The following FAM89A variants were observed in gnomAD, a reference collection of about 807,000 sequenced individuals.
FAM89A encodes protein FAM89A.
Under a neutral mutation model 7.1 loss-of-function variants are expected in FAM89A, and 10 were observed. That is an observed-to-expected ratio of 1.40 (90% CI 0.86 to 2.38). The LOEUF is 2.38. Ranked by LOEUF, FAM89A falls within the 30% of genes most tolerant of loss-of-function variation. The probability of loss-of-function intolerance (pLI) is 0.00; values close to 1 mark genes in which losing one functional copy is unlikely to be tolerated. For synonymous variants in FAM89A, 157 were observed against 129.3 expected (o/e 1.21, Z -1.45); for missense variants, 276 against 262.8 (o/e 1.05, Z -0.35).
chr1:231,039,808 G>C (rs933846882), intron 1 of FAM89A, 113 bp downstream of exon 1: 5 of 1,080,958 alleles, frequency 4.6e-6, no homozygotes, highest in Non-Finnish European at 5.9e-6. Flanking sequence ...GGGCGGAGGA[G>C]CCCGAAAGGG....
At chr1:231,033,285 G>T (rs1462590695) in intron 1 of FAM89A, among the ~76,000 whole-genome samples, 1 of 152,242 alleles carries the variant, frequency 6.6e-6, no homozygotes, top group African/African-American at 2.4e-5. Flanking sequence ...TCGGGGGATC[G>T]CTTCCTGAGC....
At position 231,039,989 on chromosome 1, in the gene FAM89A, G is replaced by C. The variant is rs1401014485; in HGVS notation, c.223C>G (p.Arg75Gly). 4.3e-6 allele frequency: 6 copies of C among 1,382,570 alleles called. 1 individual carries two copies. The South Asian group carries it at 9.9e-5, about 23-fold the overall frequency. The allele number at this position is 1,382,570 out of a possible 1,614,324, so 85.6% of individuals were successfully genotyped here. The stretch of plus-strand genomic sequence containing the variant: ...GGCTTGGCGGGCAGCGCTGCCGCCC[G>C]GGCCCCGCCGCCGCCCGGGCCCCCG... ...SRGGPGGGGA[R>G]AAALPAKPPN... The change falls in exon 1 of 2, where the codon CGG becomes GGG. Residue 75 changes from arginine (R) to glycine (G), a missense_variant. Physicochemically the swap from Arg to Gly is moderately radical, Grantham distance 125. Coordinates refer to ENST00000366654, the MANE Select transcript of FAM89A (RefSeq NM_198552.3).
At chr1:231,024,914 C>CTT (rs60500715) in intron 1 of FAM89A, among the ~76,000 whole-genome samples, 1,520 of 63,366 alleles carry the variant, frequency 0.024, 349 homozygotes, top group Middle Eastern at 0.036. Context: ...CACAACTACT[C>CTT]TTTTTTTTTT....
At chr1:231,036,522 G>T (rs1389466868) in intron 1 of FAM89A, among the ~76,000 whole-genome samples, 2 of 152,034 alleles carry the variant, frequency 1.3e-5, no homozygotes, top group African/African-American at 4.8e-5. Flanking sequence ...TCTGGGGAGG[G>T]GACGAGGACT....
intron 1 of FAM89A, among the ~76,000 whole-genome samples, chr1:231,031,740 G>C (rs978840620): frequency 6.6e-6 from 1 of 152,162 alleles, no homozygotes; most frequent in African/African-American, 2.4e-5. Flanking sequence ...CATACACAAA[G>C]TTAGGTAAGT....
rs371637194 is a variant in FAM89A, at chr1:231,037,304, C to T, written c.291+2617G>A. ...ACATTGCACCTAACAGAAGATATCC[C>T]AAAATACTAAAAGTGATTATTTCTA... is the stretch of plus-strand genomic sequence containing the variant. On this transcript the variant is annotated intron_variant, in intron 1 of 1. Coordinates refer to ENST00000366654, the MANE Select transcript of FAM89A (RefSeq NM_198552.3). Among the ~76,000 whole-genome samples, 6 of 152,182 alleles carry T rather than the reference C, an allele frequency of 3.9e-5. No homozygotes were observed. The East Asian group carries it at 5.8e-4, about 15-fold the overall frequency.
chr1:231,019,651 A>C lies in FAM89A; in HGVS notation c.*212T>G. 1.7e-6 allele frequency: 1 copy of C among 575,626 alleles called. No individual in the cohort carries two copies. Among genetic ancestry groups the C allele is most frequent in the South Asian group, 2.1e-5 (1 of 47,972 alleles). The allele number at this position is 575,626 out of a possible 1,614,324, so 35.7% of individuals were successfully genotyped here. ...GTGGAGGATACTGCTGAGGACCTCT[A>C]GGTCACCTAAGCAGAAACTGCTGCC... is the stretch of plus-strand genomic sequence containing the variant. On this transcript the variant is annotated 3_prime_UTR_variant, in exon 2 of 2. Transcript: ENST00000366654.
At chr1:231,027,729 G>A (rs1460822800) in intron 1 of FAM89A, among the ~76,000 whole-genome samples, 1 of 152,144 alleles carries the variant, frequency 6.6e-6, no homozygotes, top group African/African-American at 2.4e-5. Flanking sequence ...TCAGGCTTAC[G>A]CCCTTGACTC....
Position 231,038,417 on chromosome 1 carries a change from G to GT in FAM89A, c.291+1503dup, listed in dbSNP as rs571235554. Among the ~76,000 whole-genome samples, 200 of 152,284 alleles carry GT rather than the reference G, an allele frequency of 1.3e-3. 2 individuals are homozygous for GT. The South Asian group carries it at 0.014, about 11-fold the overall frequency. On this transcript the variant is annotated intron_variant, in intron 1 of 1. Coordinates refer to ENST00000366654, the MANE Select transcript of FAM89A (RefSeq NM_198552.3). ...GCTTCACAACAGGAGCGGCCCCGAG[G>GT]TTTTTCTATCTCTTGCTCAAGTATG...
At position 231,021,664 on chromosome 1, in the gene FAM89A, G is replaced by A. The variant is rs1285133536; in HGVS notation, c.292-1538C>T. On this transcript the variant is annotated intron_variant, in intron 1 of 1. Transcript: ENST00000366654. ...CAATAAATTCTAGACAAGCCCAGAA[G>A]CGAACACGGGAAGCAACCTCCACCC... The A allele has an allele frequency of 3.8e-6, 6 of 1,565,844 alleles. No individual in the cohort carries two copies. The East Asian group carries it at 1.3e-4, about 35-fold the overall frequency.
Position 231,040,020 on chromosome 1 carries a change from C to T in FAM89A, c.192G>A (p.Leu64=). The T allele has an allele frequency of 7.0e-7, 1 of 1,438,656 alleles. No homozygotes were observed. The highest frequency in any genetic ancestry group is 9.1e-7 in the Non-Finnish European group (1 of 1,098,396). The allele number at this position is 1,438,656 out of a possible 1,614,324, so 89.1% of individuals were successfully genotyped here. The change falls in exon 1 of 2, where the codon CTG becomes CTA. Residue 64 remains leucine (L), a synonymous_variant. Transcript: ENST00000366654. ...CGCCGCCGCCCGGGCCCCCGCGGCTCAGCTCGTCCTGGATGCGCGACTTCT... is the reference window on the plus strand; with the variant it reads ...CGCCGCCGCCCGGGCCCCCGCGGCTTAGCTCGTCCTGGATGCGCGACTTCT... The part of the protein sequence containing the change: ...YAQKSRIQDE[L]SRGGPGGGGA...
intron 1 of FAM89A, chr1:231,026,618 C>T (rs1376322472): frequency 6.6e-6 from 1 of 152,240 alleles, no homozygotes. Flanking sequence ...AAAACAAAAA[C>T]CAAACCTGTG....
At chr1:231,037,507 T>A (rs1159191590) in intron 1 of FAM89A, among the ~76,000 whole-genome samples, 1 of 152,168 alleles carries the variant, frequency 6.6e-6, no homozygotes, top group Non-Finnish European at 1.5e-5. Flanking sequence ...CCTACCCTGC[T>A]GGGGACTCCA....
In FAM89A at chr1:231,031,418, C is replaced by T. The variant is rs1680066816; in HGVS notation, c.291+8503G>A. 2.0e-5 allele frequency among the ~76,000 whole-genome samples: 3 copies of T among 152,276 alleles called. No homozygotes were observed. In the South Asian group the frequency reaches 6.2e-4, roughly 32 times the overall value. On this transcript the variant is annotated intron_variant, in intron 1 of 1. Coordinates refer to ENST00000366654, the MANE Select transcript of FAM89A (RefSeq NM_198552.3). The stretch of plus-strand genomic sequence containing the variant: ...GTTCACACTCTATTACATTAAAACC[C>T]ATCAGTCTTGCACTTTGAATGGATC...
chr1:231,026,772 T>A (rs1285902507), intron 1 of FAM89A: 1 of 152,216 alleles, frequency 6.6e-6, no homozygotes, highest in African/African-American at 2.4e-5. Flanking sequence ...GCCATCAACA[T>A]GCCCCCAGGA....
At chr1:231,039,579 C>A (rs1272943795) in intron 1 of FAM89A, among the ~76,000 whole-genome samples, 4 of 152,240 alleles carry the variant, frequency 2.6e-5, no homozygotes, top group Non-Finnish European at 5.9e-5. Context: ...CTGTTTCACT[C>A]GGGGAGAGGT....
At chr1:231,039,895 G>T in intron 1 of FAM89A, 26 bp downstream of exon 1, 1 of 1,290,912 alleles carries the variant, frequency 7.7e-7, no homozygotes, top group South Asian at 2.3e-5. Flanking sequence ...GCCGGGAAGA[G>T]CCCCAGCTCG....
At chr1:231,028,086 C>T (rs570212459) in intron 1 of FAM89A, among the ~76,000 whole-genome samples, 20 of 152,192 alleles carry the variant, frequency 1.3e-4, no homozygotes, top group Non-Finnish European at 2.6e-4. Flanking sequence ...GAGATCTCAC[C>T]CTCCCAGAGA....
intron 1 of FAM89A, among the ~76,000 whole-genome samples, chr1:231,030,661 A>T (rs113024753): frequency 9.7e-4 from 148 of 152,338 alleles, no homozygotes; most frequent in African/African-American, 3.2e-3. Context: ...AATCATACAA[A>T]CCAGTTCTCC....
Sources: allele counts gnomAD v4.1 joint callset (sites outside exome capture counted in the v4.1 genomes callset), GRCh38; gene constraint gnomAD v4.1.1; transcripts MANE v1.5; gene names NCBI Gene and HGNC (gene_info 2026-07-23, HGNC 2026-07-21).